B9D2: variants seen among roughly 807,000 people sequenced by gnomAD.
The protein encoded by B9D2 is B9 domain containing 2, also known as B9 domain-containing protein 2.
Under a neutral mutation model 19.2 loss-of-function variants are expected in B9D2, and 21 were observed. The ratio of observed to expected loss-of-function variants is 1.09; its 90% confidence interval spans 0.78 to 1.58. B9D2 has a LOEUF of 1.58. B9D2 is among the 40% of genes most tolerant of loss of function. B9D2 has a pLI of 0.00. For synonymous variants in B9D2, 91 were observed against 100.6 expected (o/e 0.90, Z 0.57); for missense variants, 221 against 244.3 (o/e 0.90, Z 0.64).
chr19:41,357,501 T>A (rs2038332523), intron 3 of B9D2, among the ~76,000 whole-genome samples: 1 of 152,108 alleles, frequency 6.6e-6, no homozygotes, highest in African/African-American at 2.4e-5. Flanking sequence ...CAGTACTGAT[T>A]TCCCCTTTGA....
chr19:41,360,522 T>G (rs927521903), intron 2 of B9D2, among the ~76,000 whole-genome samples: 2 of 151,966 alleles, frequency 1.3e-5, no homozygotes, highest in Non-Finnish European at 1.5e-5. Context: ...TATTTTTTTT[T>G]GAGACAGACT....
At chr19:41,355,045 G>T in intron 3 of B9D2, 32 bp from the exon 4 acceptor site, 1 of 1,522,732 alleles carries the variant, frequency 6.6e-7, no homozygotes, top group South Asian at 1.3e-5. Flanking sequence ...GGAAAGGAGG[G>T]ATGGGTGGGG....
At chr19:41,363,136 C>T (rs1487953725) in intron 2 of B9D2, 2 of 438,134 alleles carry the variant, frequency 4.6e-6, no homozygotes, top group Non-Finnish European at 8.5e-6. Flanking sequence ...GTCCCAGCTT[C>T]TCAGGAGGCT....
chr19:41,363,859 C>T, intron 1 of B9D2, 99 bp downstream of exon 1: 1 of 519,244 alleles, frequency 1.9e-6, no homozygotes, highest in Non-Finnish European at 3.5e-6. Context: ...CGCCAGCCAC[C>T]CCGCTTCCCT....
Position 41,363,521 on chromosome 19 carries a change from G to T in B9D2, c.-2C>A. The T allele has an allele frequency of 6.2e-7, 1 of 1,613,952 alleles. No individual in the cohort carries two copies. The highest frequency in any genetic ancestry group is 1.1e-5 in the South Asian group (1 of 91,080). On this transcript the variant is annotated splice_region_variant and 5_prime_UTR_variant, in exon 2 of 4. Coordinates refer to ENST00000243578, the MANE Select transcript of B9D2 (RefSeq NM_030578.4). ...CCCGATCACGTGCACCTCAGCCATG[G>T]CCCTGGGAGGGGAAAAATATAATCA...
Position 41,354,880 on chromosome 19 carries a change from C to T in B9D2, c.348G>A (p.Leu116=), listed in dbSNP as rs950638702. Residue 116 remains leucine, a synonymous_variant, in exon 4 of 4, where the codon CTG becomes CTA. Transcript: ENST00000243578. The part of the protein sequence containing the change: ...HQLACPTWRP[L]GSWREQLARA... Reference sequence around the variant, plus strand: ...GTGCCAACTGTTCTCGCCAACTGCCCAGGGGCCGCCACGTGGGGCAGGCCA... The same window carrying T: ...GTGCCAACTGTTCTCGCCAACTGCCTAGGGGCCGCCACGTGGGGCAGGCCA... 6.2e-7 allele frequency: 1 copy of T among 1,613,812 alleles called. No homozygotes were observed. Among genetic ancestry groups the T allele is most frequent in the African/African-American group, 1.3e-5 (1 of 75,056 alleles).
chr19:41,354,494 CCATA>C lies in B9D2; in HGVS notation c.*202_*205del, dbSNP rs775650261. The C allele has an allele frequency of 1.5e-6, 1 of 676,296 alleles. No individual in the cohort carries two copies. The highest frequency in any genetic ancestry group is 2.3e-5 in the Admixed American group (1 of 43,326). 41.9% of individuals were successfully genotyped at this position (676,296 alleles called of 1,614,324 possible). A position where few individuals can be genotyped will look rare whatever the true frequency, so the allele number is the denominator to read the frequency against. ...TCCTGTCACTCAACACCCTGCGACC[CCATA>C]CATTTACTGTCCCCAATTTACAGAT... On this transcript the variant is annotated 3_prime_UTR_variant, in exon 4 of 4. Transcript: ENST00000243578.
intron 2 of B9D2, among the ~76,000 whole-genome samples, chr19:41,359,126 C>T (rs2038363348): frequency 6.6e-6 from 1 of 151,662 alleles, no homozygotes. Flanking sequence ...CAGTGAGACT[C>T]CATCTCAAAA....
At chr19:41,363,798 G>T (rs1238429809) in intron 1 of B9D2, among the ~76,000 whole-genome samples, 160 bp downstream of exon 1, 1 of 152,244 alleles carries the variant, frequency 6.6e-6, no homozygotes, top group Non-Finnish European at 1.5e-5. Context: ...AGCCCCGCCC[G>T]AAGGGGCTAT....
At chr19:41,363,923 C>A (rs375717459) in intron 1 of B9D2, 35 bp downstream of exon 1, 3 of 389,968 alleles carry the variant, frequency 7.7e-6, no homozygotes, top group Admixed American at 4.3e-5. Flanking sequence ...CCGACTTAAC[C>A]CCGCCTCTAA....
intron 3 of B9D2, 145 bp downstream of exon 3, chr19:41,357,752 C>G: frequency 1.6e-6 from 2 of 1,253,034 alleles, no homozygotes; most frequent in Non-Finnish European, 2.3e-6. Flanking sequence ...CTTAGCTCAG[C>G]CTCTCCAGGG....
At chr19:41,356,080 C>T (rs2038309182) in intron 3 of B9D2, among the ~76,000 whole-genome samples, 1 of 152,058 alleles carries the variant, frequency 6.6e-6, no homozygotes, top group Admixed American at 6.6e-5. Flanking sequence ...GAAGGAGGTG[C>T]CAGCCTGGTT....
At chr19:41,357,389 G>A (rs1308862645) in intron 3 of B9D2, among the ~76,000 whole-genome samples, 1 of 152,106 alleles carries the variant, frequency 6.6e-6, no homozygotes, top group East Asian at 1.9e-4. Context: ...CTTTATATTG[G>A]TGAAATATAT....
At chr19:41,363,647 C>T (rs2038452539) in intron 1 of B9D2, 124 bp from the exon 2 acceptor site, 5 of 854,570 alleles carry the variant, frequency 5.9e-6, no homozygotes, top group African/African-American at 1.7e-5. Context: ...CTTCGTCACA[C>T]CCCTGAGGCT....
intron 3 of B9D2, 63 bp from the exon 4 acceptor site, chr19:41,355,076 C>T (rs1281772899): frequency 6.3e-6 from 9 of 1,433,830 alleles, no homozygotes; most frequent in Non-Finnish European, 8.4e-6. Context: ...TGCTGATTCC[C>T]CACTCCCTGA....
intron 2 of B9D2, 79 bp from the exon 3 acceptor site, chr19:41,358,101 C>A: frequency 6.3e-7 from 1 of 1,584,912 alleles, no homozygotes; most frequent in Non-Finnish European, 8.6e-7. Context: ...AGGACTGTTT[C>A]TCTGTGGCAT....
Position 41,357,893 on chromosome 19 carries a change from C to T in B9D2, c.214+4G>A, listed in dbSNP as rs773256220. The T allele has an allele frequency of 1.9e-6, 3 of 1,614,070 alleles. No homozygotes were observed. The highest frequency in any genetic ancestry group is 1.7e-6 in the Non-Finnish European group (2 of 1,180,004). On this transcript the variant is annotated splice_donor_region_variant and intron_variant, in intron 3 of 3. Coordinates refer to ENST00000243578, the MANE Select transcript of B9D2 (RefSeq NM_030578.4). Reference sequence around the variant, plus strand: ...CTGGACCCGGGTCCAGGTGTGATACCCACCTTGAAGACCTTTGGTGGCGAA... The same window carrying T: ...CTGGACCCGGGTCCAGGTGTGATACTCACCTTGAAGACCTTTGGTGGCGAA...
At chr19:41,358,367 C>T (rs181074612) in intron 2 of B9D2, among the ~76,000 whole-genome samples, 3 of 152,022 alleles carry the variant, frequency 2.0e-5, no homozygotes, top group African/African-American at 7.2e-5. Flanking sequence ...GGAGACTGAC[C>T]AAGGTGGAGG....
In B9D2 at chr19:41,354,736, C is replaced by A. The variant is rs1299556990; in HGVS notation, c.492G>T (p.Leu164=). The change falls in exon 4 of 4, where the codon CTG becomes CTT. Residue 164 remains leucine, a synonymous_variant. Transcript: ENST00000243578. Reference sequence around the variant, plus strand: ...CGCCGTAGCGGTCGAAGTTGCGGAGCAGCAGGCCGATCTCCAGGTGCACGG... The same window carrying A: ...CGCCGTAGCGGTCGAAGTTGCGGAGAAGCAGGCCGATCTCCAGGTGCACGG... The part of the protein sequence containing the change: ...GGTVHLEIGL[L]LRNFDRYGVE... The A allele has an allele frequency of 1.9e-6, 3 of 1,614,052 alleles. No homozygotes were observed. In the African/African-American group the frequency reaches 4.0e-5, roughly 22 times the overall value.
Sources: allele counts gnomAD v4.1 joint callset (sites outside exome capture counted in the v4.1 genomes callset), GRCh38; gene constraint gnomAD v4.1.1; transcripts MANE v1.5; gene names NCBI Gene and HGNC (gene_info 2026-07-23, HGNC 2026-07-21).